Variants in UNC13B observed in about 807,000 individuals in gnomAD.
UNC13B encodes the protein protein unc-13 homolog B.
A neutral mutation model predicts 211.0 loss-of-function variants in UNC13B; 144 were observed. That is an observed-to-expected ratio of 0.68 (90% CI 0.60 to 0.78). The LOEUF is 0.78. UNC13B is among the 30% of genes least tolerant of loss of function. The probability of loss-of-function intolerance (pLI) is 0.00; values close to 1 mark genes in which losing one functional copy is unlikely to be tolerated. For synonymous variants in UNC13B, 709 were observed against 725.8 expected, an observed-to-expected ratio of 0.98 and a Z score of 0.37; for missense variants, 1,777 against 2,002.0, an observed-to-expected ratio of 0.89 and a Z score of 2.14.
intron 6 of UNC13B, 28 bp from the exon 7 acceptor site, chr9:35,258,965 T>C: frequency 6.2e-7 from 1 of 1,605,908 alleles, no homozygotes; most frequent in East Asian, 2.2e-5. Flanking sequence ...TTGTATTTAT[T>C]TATTTATTTT....
At chr9:35,311,732 C>G (rs915030886) in intron 10 of UNC13B, among the ~76,000 whole-genome samples, 3 of 152,090 alleles carry the variant, frequency 2.0e-5, no homozygotes, top group Non-Finnish European at 4.4e-5. Flanking sequence ...GGCTGAGAAA[C>G]CCAGGACAGA....
intron 26 of UNC13B, among the ~76,000 whole-genome samples, chr9:35,395,273 C>G (rs1835798149): frequency 6.6e-6 from 1 of 152,186 alleles, no homozygotes; most frequent in Admixed American, 6.5e-5. Flanking sequence ...TAGTCTTACA[C>G]CTTTTCCCTC....
At chr9:35,399,577 G>A (rs193239553) in intron 35 of UNC13B, 72 bp from the exon 36 acceptor site, 2 of 1,600,300 alleles carry the variant, frequency 1.2e-6, no homozygotes, top group African/African-American at 1.3e-5. Context: ...TATGCACTGG[G>A]GGCTGGCAGG....
chr9:35,223,075 C>T (rs1407001348), intron 1 of UNC13B, among the ~76,000 whole-genome samples: 3 of 152,154 alleles, frequency 2.0e-5, no homozygotes, highest in Non-Finnish European at 2.9e-5. Flanking sequence ...ATATATACCA[C>T]ATTTTCTTCA....
intron 7 of UNC13B, among the ~76,000 whole-genome samples, chr9:35,275,083 TC>T (rs1220579084): frequency 5.3e-5 from 8 of 152,192 alleles, no homozygotes; most frequent in Non-Finnish European, 1.0e-4. Context: ...AGTTATGAAT[TC>T]TTGATGGCCA....
At chr9:35,288,722 C>T (rs1828927274) in intron 7 of UNC13B, among the ~76,000 whole-genome samples, 1 of 152,128 alleles carries the variant, frequency 6.6e-6, no homozygotes. Context: ...TAGATGGGAT[C>T]AGATTATTCA....
At position 35,162,239 on chromosome 9, in the gene UNC13B, T is replaced by C. The variant is rs2131218690; in HGVS notation, c.-45T>C. The stretch of plus-strand genomic sequence containing the variant: ...CCTGCTGAGAGGAAAGAGGGAGCGG[T>C]CCGGCGCGGCTGGGGCGCGGCAGAG... On this transcript the variant is annotated 5_prime_UTR_variant, in exon 1 of 40. Coordinates refer to ENST00000635942, the MANE Select transcript of UNC13B (RefSeq NM_001371189.2). 2 of 1,541,898 alleles carry C rather than the reference T, an allele frequency of 1.3e-6. No homozygotes were observed. The highest frequency in any genetic ancestry group is 1.7e-6 in the Non-Finnish European group (2 of 1,146,640).
rs541866983 is a variant in UNC13B, at chr9:35,266,800, A to T, written c.526+7750A>T. On this transcript the variant is annotated intron_variant, in intron 7 of 39. Coordinates refer to ENST00000635942, the MANE Select transcript of UNC13B (RefSeq NM_001371189.2). Reference sequence around the variant, plus strand: ...TGTTGTAGGGTAATTATTGTGATTTATTATGTCCATCTGTTTTTTATCCCC... The same window carrying T: ...TGTTGTAGGGTAATTATTGTGATTTTTTATGTCCATCTGTTTTTTATCCCC... Among the ~76,000 whole-genome samples, 15 of 152,276 alleles carry T rather than the reference A, an allele frequency of 9.9e-5. No individual in the cohort carries two copies. The East Asian group carries it at 1.3e-3, about 14-fold the overall frequency.
In UNC13B at chr9:35,235,283, C is replaced by T. The variant is rs1319036665; in HGVS notation, c.153-1186C>T. 5.9e-5 allele frequency among the ~76,000 whole-genome samples: 9 copies of T among 152,186 alleles called. No homozygotes were observed. In the East Asian group the frequency reaches 1.7e-3, roughly 29 times the overall value. On this transcript the variant is annotated intron_variant, in intron 3 of 39. Transcript: ENST00000635942. ...TGGTAATAATTTTGCTTATAAGTGACAGTGCCTAGCTTAATAATGATTAAT... is the reference window on the plus strand; with the variant it reads ...TGGTAATAATTTTGCTTATAAGTGATAGTGCCTAGCTTAATAATGATTAAT...
At chr9:35,271,868 G>A (rs988831067) in intron 7 of UNC13B, among the ~76,000 whole-genome samples, 2 of 152,210 alleles carry the variant, frequency 1.3e-5, no homozygotes, top group African/African-American at 2.4e-5. Flanking sequence ...CCTGGCCAAC[G>A]TGGTGAAACT....
intron 16 of UNC13B, 83 bp downstream of exon 16, chr9:35,377,778 A>G (rs1834530045): frequency 7.3e-7 from 1 of 1,377,148 alleles, no homozygotes; most frequent in Non-Finnish European, 1.0e-6. Flanking sequence ...AGCGTGAGGG[A>G]GCAAGGGATT....
Position 35,380,528 on chromosome 9 carries a change from A to C in UNC13B, c.10264A>C (p.Ile3422Leu), listed in dbSNP as rs977266218. 6.2e-7 allele frequency: 1 copy of C among 1,614,232 alleles called. No individual in the cohort carries two copies. Among genetic ancestry groups the C allele is most frequent in the Non-Finnish European group, 8.5e-7 (1 of 1,180,032 alleles). ...KVRVWDEDDD[I>L]KSRVKQRLKR... ...GCGTGTATGGGATGAGGATGATGAC[A>C]TCAAGTCAAGAGTAAAGCAACGCCT... The change falls in exon 18 of 40, where the codon ATC (isoleucine) becomes CTC (leucine). Residue 3422 changes from isoleucine to leucine, a missense_variant. Transcript: ENST00000635942.
chr9:35,270,812 T>C (rs1428571073), intron 7 of UNC13B, among the ~76,000 whole-genome samples: 1 of 152,112 alleles, frequency 6.6e-6, no homozygotes, highest in Non-Finnish European at 1.5e-5. Context: ...TCTTTTTGCA[T>C]GTGGATTTCC....
intron 1 of UNC13B, among the ~76,000 whole-genome samples, chr9:35,183,504 G>A (rs1172941139): frequency 8.5e-6 from 1 of 117,714 alleles, no homozygotes. Flanking sequence ...CTCCCAGACG[G>A]GGCGGCCGGG....
chr9:35,209,797 A>G (rs940189183), intron 1 of UNC13B, among the ~76,000 whole-genome samples: 2 of 152,132 alleles, frequency 1.3e-5, no homozygotes, highest in Admixed American at 6.5e-5. Context: ...TCCATTTTAC[A>G]TGACAAATTT....
chr9:35,308,140 A>G lies in UNC13B; in HGVS notation c.8736A>G (p.Pro2912=), dbSNP rs1211785067. ...CCTCTGAGCAGCTGGTGGCCAGTCCAGAGGTCTGTGCTCAGGGGCTTTCAG... is the reference window on the plus strand; with the variant it reads ...CCTCTGAGCAGCTGGTGGCCAGTCCGGAGGTCTGTGCTCAGGGGCTTTCAG... ...SGTSEQLVAS[P]EVCAQGLSGS... is the part of the protein sequence containing the mutation. Residue 2912 remains proline, a synonymous_variant, in exon 9 of 40, where the codon CCA becomes CCG. Coordinates refer to ENST00000635942, the MANE Select transcript of UNC13B (RefSeq NM_001371189.2). 2.0e-5 allele frequency: 8 copies of G among 399,152 alleles called. No individual in the cohort carries two copies. The highest frequency in any genetic ancestry group is 3.5e-5 in the Non-Finnish European group (8 of 226,266). 24.7% of individuals were successfully genotyped at this position (399,152 alleles called of 1,614,324 possible). A position where few individuals can be genotyped will look rare whatever the true frequency, so the allele number is the denominator to read the frequency against.
chr9:35,266,965 T>C (rs1475505665), intron 7 of UNC13B, among the ~76,000 whole-genome samples: 2 of 152,212 alleles, frequency 1.3e-5, no homozygotes, highest in Non-Finnish European at 2.9e-5. Context: ...CAAAGTGTTC[T>C]GGACAAATAT....
chr9:35,311,574 G>T (rs977051819), intron 10 of UNC13B, among the ~76,000 whole-genome samples: 6 of 152,158 alleles, frequency 3.9e-5, no homozygotes. Flanking sequence ...CAGTGACCTG[G>T]TACCTATTCT....
intron 1 of UNC13B, among the ~76,000 whole-genome samples, chr9:35,222,736 A>G (rs1039720248): frequency 6.6e-6 from 1 of 152,190 alleles, no homozygotes; most frequent in African/African-American, 2.4e-5. Context: ...TCTTCTAGCT[A>G]TTTTGAAATA....
Sources: gnomAD v4.1 joint callset for allele counts (sites outside exome capture counted in the v4.1 genomes callset) on GRCh38, gnomAD v4.1.1 for gene constraint, MANE v1.5 for transcripts, NCBI Gene and HGNC (gene_info 2026-07-23, HGNC 2026-07-21) for gene names.